Variants in LBP observed in about 807,000 individuals in gnomAD.
LBP encodes lipopolysaccharide binding protein.
LBP carries 53 observed loss-of-function variants against 56.6 expected under a neutral mutation model. That is an observed-to-expected ratio of 0.94 (90% CI 0.75 to 1.18). LBP has a LOEUF of 1.18. LBP is among the 50% of genes most tolerant of loss of function. LBP has a pLI of 0.00. For missense variants in LBP, 601 were observed against 598.3 expected, an observed-to-expected ratio of 1.00 and a Z score of -0.05; for synonymous variants, 227 against 247.5, an observed-to-expected ratio of 0.92 and a Z score of 0.78.
At chr20:38,374,118 C>T (rs1052811187) in intron 14 of LBP, 105 bp downstream of exon 14, 30 of 1,160,548 alleles carry the variant, frequency 2.6e-5, no homozygotes, top group Middle Eastern at 2.8e-4. Context: ...AGCCCTGCAG[C>T]TGGGAAAGTC....
chr20:38,367,809 G>C (rs999580024), intron 9 of LBP, among the ~76,000 whole-genome samples: 1 of 152,036 alleles, frequency 6.6e-6, no homozygotes, highest in African/African-American at 2.4e-5. Flanking sequence ...GTTTTTCCAC[G>C]AATAGCCTCC....
chr20:38,356,854 ATCTC>A (rs1462513848), intron 5 of LBP, among the ~76,000 whole-genome samples: 3 of 151,492 alleles, frequency 2.0e-5, no homozygotes, highest in African/African-American at 4.9e-5. Flanking sequence ...GTCCCTCTGG[ATCTC>A]TCTTTTTTTT....
chr20:38,361,794 A>G (rs1394643867), intron 6 of LBP, among the ~76,000 whole-genome samples: 2 of 151,472 alleles, frequency 1.3e-5, no homozygotes, highest in African/African-American at 4.9e-5. Flanking sequence ...TTTTACATGC[A>G]TGTAACCAGC....
Position 38,349,086 on chromosome 20 carries a change from C to T in LBP, c.125-462C>T, listed in dbSNP as rs892427735. Among the ~76,000 whole-genome samples the T allele has an allele frequency of 9.9e-5, 15 of 152,162 alleles. No homozygotes were observed. The East Asian group carries it at 2.5e-3, about 25-fold the overall frequency. ...CTGGGATTACAGGCGTGAGCCACCA[C>T]GCCCAGCAAATGTATTGTTGTCATT... On this transcript the variant is annotated intron_variant, in intron 1 of 14. Transcript: ENST00000217407.
At chr20:38,370,585 A>G (rs2076897571) in intron 10 of LBP, among the ~76,000 whole-genome samples, 153 bp from the exon 11 acceptor site, 1 of 152,036 alleles carries the variant, frequency 6.6e-6, no homozygotes, top group Admixed American at 6.6e-5. Context: ...ACCTACAGTG[A>G]GCCTTCTGGG....
chr20:38,364,059 T>A lies in LBP; in HGVS notation c.737T>A (p.Met246Lys). 6.2e-7 allele frequency: 1 copy of A among 1,612,012 alleles called. No individual in the cohort carries two copies. Among genetic ancestry groups the A allele is most frequent in the Non-Finnish European group, 8.5e-7 (1 of 1,178,160 alleles). Residue 246 changes from methionine to lysine, a missense_variant, in exon 7 of 15, where the codon ATG (methionine) becomes AAG (lysine). By Grantham distance (95) the Met-to-Lys change is moderately conservative (BLOSUM62 -1). Transcript: ENST00000217407. ...GCAACAGCCCAGATGCTGGAGGTGA[T>A]GTTTAAGGTGAGGGTCCTGGGGCCG... ...PRATAQMLEV[M>K]FKGEIFHRNH...
In LBP at chr20:38,364,501, T is replaced by C. The variant is rs113966205; in HGVS notation, c.745-75T>C. 1.4e-4 allele frequency: 198 copies of C among 1,379,984 alleles called. 6 individuals are homozygous for C. In the African/African-American group the frequency reaches 2.0e-3, roughly 14 times the overall value. 85.5% of individuals were successfully genotyped at this position (1,379,984 alleles called of 1,614,324 possible). A position where few individuals can be genotyped will look rare whatever the true frequency, so the allele number is the denominator to read the frequency against. On this transcript the variant is annotated intron_variant, in intron 7 of 14. Transcript: ENST00000217407. ...TCCAGCCAGCGTCCCTTCATCGGAC[T>C]GTGTAGGGGAATACCTAGCCCCTGC... is the stretch of plus-strand genomic sequence containing the variant.
In LBP at chr20:38,365,956, G is replaced by A. The variant is rs951840541; in HGVS notation, c.922-813G>A. Reference sequence around the variant, plus strand: ...TTCATGATTCATGGTGAAAAGGAGAGACAGTCTTCCTCACACCCCCAAAAC... The same window carrying A: ...TTCATGATTCATGGTGAAAAGGAGAAACAGTCTTCCTCACACCCCCAAAAC... On this transcript the variant is annotated intron_variant, in intron 8 of 14. Transcript: ENST00000217407. Among the ~76,000 whole-genome samples, 3 of 152,052 alleles carry A rather than the reference G, an allele frequency of 2.0e-5. No homozygotes were observed. The South Asian group carries it at 6.2e-4, about 32-fold the overall frequency.
chr20:38,364,856 G>C, intron 8 of LBP, 104 bp downstream of exon 8: 1 of 1,066,046 alleles, frequency 9.4e-7, no homozygotes, highest in African/African-American at 1.6e-5. Flanking sequence ...GTGAGTTATA[G>C]CTAAGAGAAA....
At chr20:38,361,333 T>G (rs1354960667) in intron 6 of LBP, among the ~76,000 whole-genome samples, 1 of 152,222 alleles carries the variant, frequency 6.6e-6, no homozygotes, top group Non-Finnish European at 1.5e-5. Flanking sequence ...ATGTATTATT[T>G]TGTTCATGAA....
At chr20:38,360,604 C>T in intron 5 of LBP, 100 bp from the exon 6 acceptor site, 2 of 743,724 alleles carry the variant, frequency 2.7e-6, no homozygotes, top group South Asian at 3.4e-5. Context: ...AATCAGTGAT[C>T]ACTGAGCACA....
chr20:38,371,130 T>C (rs2076899289), intron 11 of LBP, 150 bp from the exon 12 acceptor site: 3 of 636,354 alleles, frequency 4.7e-6, no homozygotes, highest in Non-Finnish European at 8.4e-6. Context: ...TCACTGCTTT[T>C]AGTTCCTCAG....
intron 5 of LBP, among the ~76,000 whole-genome samples, chr20:38,357,305 G>T (rs1271658831): frequency 1.3e-5 from 2 of 152,336 alleles, no homozygotes; most frequent in East Asian, 3.9e-4. Flanking sequence ...GGAGCAGCTT[G>T]TACCAAAGCC....
intron 8 of LBP, 21 bp downstream of exon 8, chr20:38,364,773 GTC>G: frequency 6.3e-7 from 1 of 1,589,850 alleles, no homozygotes; most frequent in Non-Finnish European, 8.6e-7. Context: ...TGGCAAACAG[GTC>G]TCTCAAATGA....
intron 9 of LBP, among the ~76,000 whole-genome samples, chr20:38,368,445 CA>C (rs2122621626): frequency 1.3e-5 from 2 of 152,106 alleles, no homozygotes; most frequent in East Asian, 3.9e-4. Context: ...ACTAAAAATA[CA>C]AAATTAGCCG....
At chr20:38,375,882 G>A (rs746641882) in intron 14 of LBP, among the ~76,000 whole-genome samples, 2 of 152,130 alleles carry the variant, frequency 1.3e-5, no homozygotes, top group Non-Finnish European at 2.9e-5. Flanking sequence ...TAGAAACACT[G>A]GCCAACTGTT....
In LBP at chr20:38,354,453, G is replaced by T. The variant is rs371321299; in HGVS notation, c.524+14G>T. On this transcript the variant is annotated intron_variant, in intron 4 of 14. Coordinates refer to ENST00000217407, the MANE Select transcript of LBP (RefSeq NM_004139.5). ...GGGAGACTTGGGGTAGGTCTCCATC[G>T]GGGCACTGCCAGCTGGACTCCTGGT... The T allele has an allele frequency of 4.6e-5, 73 of 1,600,442 alleles. No homozygotes were observed. In the South Asian group the frequency reaches 6.6e-4, roughly 14 times the overall value.
In LBP at chr20:38,354,348, G is replaced by A. The variant is rs1490912575; in HGVS notation, c.433G>A (p.Gly145Ser). The A allele has an allele frequency of 1.9e-6, 3 of 1,613,706 alleles. No individual in the cohort carries two copies. Among genetic ancestry groups the A allele is most frequent in the African/African-American group, 2.7e-5 (2 of 75,004 alleles). ...GISISVNLLL[G>S]SESSGRPTVT... Reference sequence around the variant, plus strand: ...CAGCATTTCGGTCAACCTCCTGTTGGGCAGCGAGTCCTCCGGGAGGCCCAC... The same window carrying A: ...CAGCATTTCGGTCAACCTCCTGTTGAGCAGCGAGTCCTCCGGGAGGCCCAC... Residue 145 changes from glycine (G) to serine (S), a missense_variant, in exon 4 of 15, where the codon GGC becomes AGC. By Grantham distance (56) the Gly-to-Ser change is moderately conservative (BLOSUM62 0). Coordinates refer to ENST00000217407, the MANE Select transcript of LBP (RefSeq NM_004139.5).
intron 9 of LBP, 113 bp from the exon 10 acceptor site, chr20:38,368,882 T>C: frequency 1.8e-6 from 2 of 1,105,466 alleles, no homozygotes; most frequent in Non-Finnish European, 2.7e-6. Flanking sequence ...AGAATTTTGT[T>C]GGAAATAAAA....
Sources: allele counts gnomAD v4.1 joint callset (sites outside exome capture counted in the v4.1 genomes callset), GRCh38; gene constraint gnomAD v4.1.1; transcripts MANE v1.5; gene names NCBI Gene and HGNC (gene_info 2026-07-23, HGNC 2026-07-21).